Variants in MSR1 observed in about 807,000 individuals in gnomAD.
The protein encoded by MSR1 is macrophage scavenger receptor 1, also known as macrophage scavenger receptor types I and II.
A neutral mutation model predicts 47.2 loss-of-function variants in MSR1; 53 were observed. The ratio of observed to expected loss-of-function variants is 1.12; its 90% CI spans 0.90 to 1.41. The LOEUF is 1.41. Among genes scored for constraint, MSR1 ranks in the 40% most tolerant of loss-of-function variants. The pLI is 0.00. For synonymous variants in MSR1, 239 were observed against 185.6 expected, an observed-to-expected ratio of 1.29 and a Z score of -2.34; for missense variants, 786 against 546.9, an observed-to-expected ratio of 1.44 and a Z score of -4.36.
chr8:16,124,523 T>C (rs1800083539), intron 8 of MSR1, among the ~76,000 whole-genome samples: 1 of 152,140 alleles, frequency 6.6e-6, no homozygotes, highest in Admixed American at 6.6e-5. Context: ...CTTTTTACTT[T>C]ATATATAACT....
intron 8 of MSR1, among the ~76,000 whole-genome samples, chr8:16,129,486 CTG>C (rs1563143130): frequency 3.3e-5 from 5 of 152,110 alleles, no homozygotes; most frequent in African/African-American, 1.2e-4. Flanking sequence ...TGGCTTATGT[CTG>C]TAACCCCAGC....
intron 2 of MSR1, among the ~76,000 whole-genome samples, chr8:16,176,451 G>A (rs1801649561): frequency 6.6e-6 from 1 of 151,402 alleles, no homozygotes; most frequent in Non-Finnish European, 1.5e-5. Context: ...AGGCTGCAAT[G>A]GGCTATGATC....
chr8:16,139,318 TA>T, intron 8 of MSR1: 1 of 981,918 alleles, frequency 1.0e-6, no homozygotes, highest in East Asian at 1.1e-4. Flanking sequence ...AAGCATACCT[TA>T]CATCTTTAAA....
At chr8:16,110,276 G>C in intron 9 of MSR1, 58 bp from the exon 10 acceptor site, 1 of 1,580,706 alleles carries the variant, frequency 6.3e-7, no homozygotes, top group South Asian at 1.1e-5. Flanking sequence ...TTCTCTTTGA[G>C]TGGGGCAAAG....
chr8:16,139,036 G>A lies in MSR1; in HGVS notation c.1033+4522C>T, dbSNP rs181176331. Among the ~76,000 whole-genome samples, 220 of 152,172 alleles carry A rather than the reference G, an allele frequency of 1.4e-3. 1 individual carries two copies. Among genetic ancestry groups the A allele is most frequent in the Non-Finnish European group, 2.4e-3 (160 of 67,998 alleles). ...CCTCTGTTGACACCTTCTGCCCTCCGGCGTGCACTCTGTTTAGTAGCTTCT... is the reference window on the plus strand; with the variant it reads ...CCTCTGTTGACACCTTCTGCCCTCCAGCGTGCACTCTGTTTAGTAGCTTCT... On this transcript the variant is annotated intron_variant, in intron 8 of 9. Transcript: ENST00000262101.
At chr8:16,186,071 G>C in intron 1 of MSR1, 1 of 1,148,940 alleles carries the variant, frequency 8.7e-7, no homozygotes, top group Non-Finnish European at 1.2e-6. Flanking sequence ...TGTGGTAGAA[G>C]CAGAAATAAA....
intron 8 of MSR1, among the ~76,000 whole-genome samples, chr8:16,137,131 A>G (rs1465979635): frequency 6.6e-6 from 1 of 152,164 alleles, no homozygotes; most frequent in East Asian, 1.9e-4. Context: ...AGCAAAATAA[A>G]GATAGAATAT....
chr8:16,144,773 T>C (rs1181822405), intron 7 of MSR1, among the ~76,000 whole-genome samples: 2 of 152,142 alleles, frequency 1.3e-5, no homozygotes, highest in Non-Finnish European at 2.9e-5. Flanking sequence ...ATTCCTATTC[T>C]TCACCTCCTA....
At chr8:16,192,292 T>C (rs1354669908) in intron 1 of MSR1, among the ~76,000 whole-genome samples, 1 of 152,178 alleles carries the variant, frequency 6.6e-6, no homozygotes, top group East Asian at 1.9e-4. Flanking sequence ...AAAATATGCT[T>C]AATTATATGA....
At chr8:16,158,487 A>G (rs1801071423) in intron 5 of MSR1, among the ~76,000 whole-genome samples, 1 of 151,984 alleles carries the variant, frequency 6.6e-6, no homozygotes, top group Admixed American at 6.6e-5. Context: ...ATAATATCTG[A>G]CTAAGTTTCC....
intron 5 of MSR1, among the ~76,000 whole-genome samples, chr8:16,155,711 G>A (rs143096395): frequency 6.6e-6 from 1 of 151,790 alleles, no homozygotes; most frequent in Non-Finnish European, 1.5e-5. Flanking sequence ...TAGGATATGA[G>A]GGGTACTTTC....
At chr8:16,174,848 T>C (rs1342754437) in intron 3 of MSR1, among the ~76,000 whole-genome samples, 2 of 152,164 alleles carry the variant, frequency 1.3e-5, no homozygotes, top group Non-Finnish European at 2.9e-5. Flanking sequence ...GCAAAATGAA[T>C]ACTTTTAAAA....
intron 8 of MSR1, among the ~76,000 whole-genome samples, chr8:16,131,315 C>A (rs1800249604): frequency 6.6e-6 from 1 of 151,932 alleles, no homozygotes; most frequent in African/African-American, 2.4e-5. Context: ...ATGTCCTTTG[C>A]CTATTTTTTG....
intron 1 of MSR1, among the ~76,000 whole-genome samples, chr8:16,190,503 AT>A (rs1316636581): frequency 1.3e-5 from 2 of 152,080 alleles, no homozygotes; most frequent in African/African-American, 4.8e-5. Context: ...TAAGAGAGAG[AT>A]TTCACTGTAA....
At chr8:16,153,070 G>A (rs1275298362) in intron 6 of MSR1, among the ~76,000 whole-genome samples, 1 of 151,882 alleles carries the variant, frequency 6.6e-6, no homozygotes, top group African/African-American at 2.4e-5. Flanking sequence ...TTAGTTATTT[G>A]AGGCTACTAG....
intron 3 of MSR1, among the ~76,000 whole-genome samples, chr8:16,174,083 T>G (rs570155163): frequency 6.6e-6 from 1 of 152,292 alleles, no homozygotes; most frequent in African/African-American, 2.4e-5. Flanking sequence ...GCTGTCTGAA[T>G]TTTCTTATGT....
intron 1 of MSR1, among the ~76,000 whole-genome samples, chr8:16,190,259 G>A (rs955720466): frequency 2.0e-5 from 3 of 151,968 alleles, no homozygotes; most frequent in Admixed American, 1.3e-4. Flanking sequence ...CATCATATGT[G>A]AAACTAAAAA....
At chr8:16,188,737 C>A (rs1024389339) in intron 1 of MSR1, among the ~76,000 whole-genome samples, 3 of 151,954 alleles carry the variant, frequency 2.0e-5, no homozygotes, top group Admixed American at 2.0e-4. Flanking sequence ...GTTCAACTGT[C>A]ACTTATGAGT....
chr8:16,132,847 C>A (rs1800296063), intron 8 of MSR1, among the ~76,000 whole-genome samples: 1 of 152,084 alleles, frequency 6.6e-6, no homozygotes, highest in South Asian at 2.1e-4. Flanking sequence ...TTATCTTGTG[C>A]TGGTTTTCAA....
Sources: allele counts gnomAD v4.1 joint callset (sites outside exome capture counted in the v4.1 genomes callset), GRCh38; gene constraint gnomAD v4.1.1; transcripts MANE v1.5; gene names NCBI Gene and HGNC (gene_info 2026-07-23, HGNC 2026-07-21).